The following GRIN2B variants were observed in gnomAD, a reference collection of about 807,000 sequenced individuals.
GRIN2B encodes glutamate receptor ionotropic, NMDA 2B.
In GRIN2B, 5 loss-of-function variants were observed where a neutral mutation model predicts 114.5. The ratio of observed to expected loss-of-function variants is 0.04; its 90% CI spans 0.02 to 0.09. The LOEUF (loss-of-function observed/expected upper bound fraction) is 0.09. Ranked by LOEUF, GRIN2B falls within the 10% of genes least tolerant of loss-of-function variation. The pLI, the probability that GRIN2B is intolerant of heterozygous loss-of-function variation, is 1.00. For synonymous variants in GRIN2B, 787 were observed against 745.1 expected (o/e 1.06, Z -0.92); for missense variants, 1,108 against 1,943.5 (o/e 0.57, Z 8.08).
At chr12:13,837,716 T>C (rs1389360768) in intron 3 of GRIN2B, among the ~76,000 whole-genome samples, 1 of 152,080 alleles carries the variant, frequency 6.6e-6, no homozygotes, top group African/African-American at 2.4e-5. Context: ...GATGTCCAAA[T>C]AGAAGGGCTT....
chr12:13,912,562 T>G (rs147897486), intron 2 of GRIN2B, among the ~76,000 whole-genome samples: 1 of 152,190 alleles, frequency 6.6e-6, no homozygotes, highest in Non-Finnish European at 1.5e-5. Context: ...TCCGTACTTG[T>G]GGGCACAGGG....
intron 2 of GRIN2B, among the ~76,000 whole-genome samples, chr12:13,875,576 C>T (rs1865981248): frequency 6.6e-6 from 1 of 151,982 alleles, no homozygotes; most frequent in Non-Finnish European, 1.5e-5. Context: ...TCGAAGAAGG[C>T]TATTTCCAAG....
intron 3 of GRIN2B, among the ~76,000 whole-genome samples, chr12:13,801,214 G>A (rs1021901850): frequency 3.9e-5 from 6 of 152,130 alleles, no homozygotes; most frequent in East Asian, 3.9e-4. Flanking sequence ...ATCATTAAGC[G>A]CACTATGTGG....
At chr12:13,873,741 A>C (rs1865950173) in intron 2 of GRIN2B, among the ~76,000 whole-genome samples, 1 of 152,146 alleles carries the variant, frequency 6.6e-6, no homozygotes, top group South Asian at 2.1e-4. Context: ...TGCTAGATAC[A>C]TGCCCAATTC....
chr12:13,642,984 C>T (rs1949733515), intron 5 of GRIN2B, among the ~76,000 whole-genome samples: 1 of 152,122 alleles, frequency 6.6e-6, no homozygotes, highest in Non-Finnish European at 1.5e-5. Flanking sequence ...AAAGAATACA[C>T]CATCAATTAT....
chr12:13,788,674 G>T (rs1864260941), intron 3 of GRIN2B, among the ~76,000 whole-genome samples: 1 of 102,148 alleles, frequency 9.8e-6, no homozygotes, highest in Non-Finnish European at 2.1e-5. Flanking sequence ...CCTTTTCGAG[G>T]AACCCTTAAT....
intron 10 of GRIN2B, among the ~76,000 whole-genome samples, chr12:13,588,696 T>C (rs1948965334): frequency 6.6e-6 from 1 of 152,198 alleles, no homozygotes; most frequent in Non-Finnish European, 1.5e-5. Flanking sequence ...GCATACATAA[T>C]GCAGTGCTGC....
intron 3 of GRIN2B, among the ~76,000 whole-genome samples, chr12:13,780,160 C>G (rs541554690): frequency 6.6e-6 from 1 of 152,276 alleles, no homozygotes; most frequent in Non-Finnish European, 1.5e-5. Flanking sequence ...TGATACCTTT[C>G]CTGGCCTAGA....
At position 13,562,083 on chromosome 12, in the gene GRIN2B, G is replaced by A. The variant is rs2136401079; in HGVS notation, c.*700C>T. 6.5e-6 allele frequency: 1 copy of A among 152,786 alleles called. No homozygotes were observed. Among genetic ancestry groups the A allele is most frequent in the Non-Finnish European group, 1.5e-5 (1 of 68,250 alleles). The allele number at this position is 152,786 out of a possible 1,614,324, so 9.5% of individuals were successfully genotyped here. ...CAATCCACCTGCTCTTGTCCCCAAG[G>A]CACCGTGGGACACTATCATAACGTA... On this transcript the variant is annotated 3_prime_UTR_variant, in exon 14 of 14. Transcript: ENST00000609686.
rs1343052359 is a variant in GRIN2B, at chr12:13,543,207, A to C, written c.*19576T>G. ...CTTCTATAACCTTTTCCTCTATCTT[A>C]TCTCAGCCCACCACCCCAACAACAG... On this transcript the variant is annotated 3_prime_UTR_variant, in exon 14 of 14. Coordinates refer to ENST00000609686, the MANE Select transcript of GRIN2B (RefSeq NM_000834.5). The C allele has an allele frequency of 6.6e-6, 1 of 151,848 alleles. No homozygotes were observed. Among genetic ancestry groups the C allele is most frequent in the Non-Finnish European group, 1.5e-5 (1 of 67,960 alleles). 9.4% of individuals were successfully genotyped at this position (151,848 alleles called of 1,614,324 possible). A position where few individuals can be genotyped will look rare whatever the true frequency, so the allele number is the denominator to read the frequency against.
At chr12:13,736,135 C>A (rs111932732) in intron 4 of GRIN2B, among the ~76,000 whole-genome samples, 2 of 3,760 alleles carry the variant, frequency 5.3e-4, no homozygotes, top group African/African-American at 2.5e-3. Context: ...CATAGAAAAG[C>A]GGGGGGGGGG....
chr12:13,776,414 TTAAAA>T (rs1864005022), intron 3 of GRIN2B, among the ~76,000 whole-genome samples: 1 of 152,022 alleles, frequency 6.6e-6, no homozygotes, highest in South Asian at 2.1e-4. Context: ...ACCCTTGAAC[TTAAAA>T]TAAAAGTTAA....
At chr12:13,740,078 G>A (rs1187113557) in intron 4 of GRIN2B, among the ~76,000 whole-genome samples, 1 of 152,148 alleles carries the variant, frequency 6.6e-6, no homozygotes, top group African/African-American at 2.4e-5. Flanking sequence ...TATTGGAATG[G>A]TTCCTTTCTC....
chr12:13,796,462 G>T (rs1864420942), intron 3 of GRIN2B, among the ~76,000 whole-genome samples: 1 of 152,222 alleles, frequency 6.6e-6, no homozygotes, highest in African/African-American at 2.4e-5. Flanking sequence ...ATCAACTATA[G>T]CTTGGGTTTA....
intron 3 of GRIN2B, among the ~76,000 whole-genome samples, chr12:13,812,641 T>G (rs1418750136): frequency 6.6e-6 from 1 of 152,154 alleles, no homozygotes; most frequent in Non-Finnish European, 1.5e-5. Flanking sequence ...TTTAATCTAT[T>G]AAGTCTGAGG....
chr12:13,796,941 G>C (rs1249238795), intron 3 of GRIN2B, among the ~76,000 whole-genome samples: 1 of 152,162 alleles, frequency 6.6e-6, no homozygotes. Flanking sequence ...CAAACAATAT[G>C]ATTCCTCTAC....
chr12:13,692,760 C>CTTTTTTTTTT (rs71067718), intron 4 of GRIN2B, among the ~76,000 whole-genome samples: 42 of 52,096 alleles, frequency 8.1e-4, no homozygotes, highest in African/African-American at 1.0e-3. Flanking sequence ...TCTTTCTTTT[C>CTTTTTTTTTT]TTTTTTTTTT....
intron 4 of GRIN2B, among the ~76,000 whole-genome samples, chr12:13,734,209 T>A (rs1863142578): frequency 6.6e-6 from 1 of 152,176 alleles, no homozygotes; most frequent in Admixed American, 6.5e-5. Flanking sequence ...TCATAGTAGA[T>A]GATTTTGTGA....
At chr12:13,736,248 AG>A (rs1863182363) in intron 4 of GRIN2B, among the ~76,000 whole-genome samples, 1 of 151,704 alleles carries the variant, frequency 6.6e-6, no homozygotes, top group Non-Finnish European at 1.5e-5. Flanking sequence ...TCACCCTTAA[AG>A]TATGGCAGCC....
Sources: allele counts gnomAD v4.1 joint callset (sites outside exome capture counted in the v4.1 genomes callset), GRCh38; gene constraint gnomAD v4.1.1; transcripts MANE v1.5; gene names NCBI Gene and HGNC (gene_info 2026-07-23, HGNC 2026-07-21).